BCKDK: variants seen among roughly 807,000 people sequenced by gnomAD.
BCKDK encodes the protein branched-chain alpha-ketoacid dehydrogenase kinase.
BCKDK carries 28 observed loss-of-function variants against 43.9 expected under a neutral mutation model. That is an observed-to-expected ratio of 0.64 (90% CI 0.47 to 0.87). The LOEUF is 0.87. Among genes scored for constraint, BCKDK ranks in the 40% least tolerant of loss-of-function variants. BCKDK has a pLI of 0.00. For missense variants in BCKDK, 483 were observed against 581.4 expected (o/e 0.83, Z 1.74); for synonymous variants, 257 against 234.3 (o/e 1.10, Z -0.88).
At chr16:31,115,768 A>G (rs747130951), downstream of BCKDK, 3 of 152,004 alleles carry the variant, frequency 2.0e-5, no homozygotes, top group African/African-American at 7.3e-5. Flanking sequence ...TCCTGGCCTG[A>G]AGCGATCCTC....
rs1313259296 is a variant in BCKDK at position 31,111,965 on chromosome 16, G to A, written c.1032G>A (p.Arg344=). 1.2e-6 allele frequency: 2 copies of A among 1,614,106 alleles called. No individual in the cohort carries two copies. The highest frequency in any genetic ancestry group is 1.7e-6 in the Non-Finnish European group (2 of 1,180,020). The change falls in exon 11 of 12, where the codon CGG becomes CGA. Residue 344 remains arginine (R), a synonymous_variant. Transcript: ENST00000219794. ...CTGAGGCCAGCACACAGGACCCCCG[G>A]ATCAGCCCCCTCTTTGGCCATCTGG... is the stretch of plus-strand genomic sequence containing the variant. ...TTAEASTQDP[R]ISPLFGHLDM...
At chr16:31,114,538 A>G (rs1022774866), downstream of BCKDK, among the ~76,000 whole-genome samples, 11 of 152,026 alleles carry the variant, frequency 7.2e-5, no homozygotes, top group African/African-American at 2.7e-4. Flanking sequence ...AACCTCTGAG[A>G]GACCCATCCG....
chr16:31,108,601 C>A lies in BCKDK; in HGVS notation c.-178+122C>A, dbSNP rs1037458085. 1 of 152,404 alleles carries A rather than the reference C, an allele frequency of 6.6e-6. No homozygotes were observed. Among genetic ancestry groups the A allele is most frequent in the African/African-American group, 2.4e-5 (1 of 41,456 alleles). 9.4% of individuals were successfully genotyped at this position (152,404 alleles called of 1,614,324 possible). On this transcript the variant is annotated intron_variant, in intron 1 of 11. Coordinates refer to ENST00000219794, the MANE Select transcript of BCKDK (RefSeq NM_005881.4). This position sits in a 1 kb window ranked among gnomAD's most constrained non-coding sequence, Gnocchi z 6.2. Reference sequence around the variant, plus strand: ...TCTACCATATGGGGGGCATCCGGGCCGAACCAAGTGACCCGCGTGGGGGGT... The same window carrying A: ...TCTACCATATGGGGGGCATCCGGGCAGAACCAAGTGACCCGCGTGGGGGGT...
At position 31,110,729 on chromosome 16, in the gene BCKDK, G is replaced by A; in HGVS notation, c.684G>A (p.Lys228=). The change falls in exon 8 of 12, where the codon AAG becomes AAA. Residue 228 remains lysine (K), a synonymous_variant. Coordinates refer to ENST00000219794, the MANE Select transcript of BCKDK (RefSeq NM_005881.4). This position sits in a 1 kb window ranked among gnomAD's most constrained non-coding sequence, Gnocchi z 5.4. ...TCATCTGTACTCGTCTCTCACCAAA[G>A]AAGATTATTGAGAAGTGGGTGGACT... The part of the protein sequence containing the change: ...VGIICTRLSP[K]KIIEKWVDFA... 2 of 1,614,014 alleles carry A rather than the reference G, an allele frequency of 1.2e-6. No individual in the cohort carries two copies. Among genetic ancestry groups the A allele is most frequent in the Non-Finnish European group, 1.7e-6 (2 of 1,180,022 alleles).
At position 31,109,387 on chromosome 16, in the gene BCKDK, A is replaced by C; in HGVS notation, c.164A>C (p.Asn55Thr). 1 of 1,607,750 alleles carries C rather than the reference A, an allele frequency of 6.2e-7. No homozygotes were observed. Among genetic ancestry groups the C allele is most frequent in the Non-Finnish European group, 8.5e-7 (1 of 1,176,016 alleles). Residue 55 changes from asparagine (N) to threonine (T), a missense_variant, in exon 2 of 12, where the codon AAC becomes ACC. By Grantham distance (65) the Asn-to-Thr change is moderately conservative (BLOSUM62 0). Coordinates refer to ENST00000219794, the MANE Select transcript of BCKDK (RefSeq NM_005881.4). This position sits in a 1 kb window ranked among gnomAD's most constrained non-coding sequence, Gnocchi z 5.3. ...ERSKTVTSFY[N>T]QSAIDAAAEK... ...TCCAAGACCGTCACCTCCTTTTACA[A>C]CCAGTCGGCCATCGACGCGGCAGCG...
chr16:31,112,222 G>T lies in BCKDK; in HGVS notation c.1196G>T (p.Arg399Leu). 1 of 1,611,690 alleles carries T rather than the reference G, an allele frequency of 6.2e-7. No homozygotes were observed. The change falls in exon 12 of 12, where the codon CGG (arginine) becomes CTG (leucine). Residue 399 changes from arginine (R) to leucine (L), a missense_variant. Arg to Leu is a moderately radical substitution (Grantham distance 102). Coordinates refer to ENST00000219794, the MANE Select transcript of BCKDK (RefSeq NM_005881.4). This position sits in a 1 kb window ranked among gnomAD's most constrained non-coding sequence, Gnocchi z 5.0. ...GGCATTGGCACGGACGTCTACCTGC[G>T]GCTCCGCCACATCGATGGCCGGGAG... is the stretch of plus-strand genomic sequence containing the variant. ...LQGIGTDVYL[R>L]LRHIDGREES...
chr16:31,111,388 A>G lies in BCKDK; in HGVS notation c.934A>G (p.Arg312Gly). The change falls in exon 10 of 12, where the codon AGG (arginine) becomes GGG (glycine). Residue 312 changes from arginine to glycine, a missense_variant and splice_region_variant. Transcript: ENST00000219794. ...CAACAATGATGTCGATCTGATCATC[A>G]GGTTTGCCCTGAGTGGGAGTTGAGC... ...IANNDVDLII[R>G]ISDRGGGIAH... 6 of 1,614,080 alleles carry G rather than the reference A, an allele frequency of 3.7e-6. No individual in the cohort carries two copies. Among genetic ancestry groups the G allele is most frequent in the Non-Finnish European group, 4.2e-6 (5 of 1,179,954 alleles).
downstream of BCKDK, among the ~76,000 whole-genome samples, chr16:31,117,053 C>T (rs1349411188): frequency 6.6e-6 from 1 of 150,918 alleles, no homozygotes; most frequent in Non-Finnish European, 1.5e-5. Context: ...CACATCTTGG[C>T]TTCCGCAGGT....
At position 31,110,737 on chromosome 16, in the gene BCKDK, T is replaced by C. The variant is rs200689545; in HGVS notation, c.692T>C (p.Ile231Thr). 5.1e-5 allele frequency: 83 copies of C among 1,613,974 alleles called. No individual in the cohort carries two copies. The highest frequency in any genetic ancestry group is 5.7e-5 in the Non-Finnish European group (67 of 1,180,010). The change falls in exon 8 of 12, where the codon ATT (isoleucine) becomes ACT (threonine). Residue 231 changes from isoleucine to threonine, a missense_variant. Ile to Thr is a moderately conservative substitution (Grantham distance 89). Transcript: ENST00000219794. This position sits in a 1 kb window ranked among gnomAD's most constrained non-coding sequence, Gnocchi z 5.4. ...ACTCGTCTCTCACCAAAGAAGATTA[T>C]TGAGAAGTGGGTGGACTTTGCCAGG... ...ICTRLSPKKI[I>T]EKWVDFARRL...
In BCKDK at chr16:31,112,017, CCCAT is replaced by C; in HGVS notation, c.1085_1088del (p.Pro362ArgfsTer141). 6.2e-7 allele frequency: 1 copy of C among 1,614,066 alleles called. No homozygotes were observed. The highest frequency in any genetic ancestry group is 8.5e-7 in the Non-Finnish European group (1 of 1,180,002). ...CATGCATAGTGGCGCCCAGTCAGGA[CCCAT>C]GCACGGGTGAGACCCTGCCAGGCCA... is the stretch of plus-strand genomic sequence containing the variant. On this transcript the variant is annotated frameshift_variant, in exon 11 of 12. Transcript: ENST00000219794. LOFTEE classifies it high-confidence loss of function. This position sits in a 1 kb window ranked among gnomAD's most constrained non-coding sequence, Gnocchi z 5.0.
rs1333019594 is a variant in BCKDK, at chr16:31,112,105, C to T, written c.1095-16C>T. The T allele has an allele frequency of 6.2e-7, 1 of 1,607,034 alleles. No individual in the cohort carries two copies. Among genetic ancestry groups the T allele is most frequent in the Non-Finnish European group, 8.5e-7 (1 of 1,175,586 alleles). ...GCCTCTGAAGCCTCCTGTCCTGTCCCCCTGCCCACCCCCAGCTTTGGCTTC... is the reference window on the plus strand; with the variant it reads ...GCCTCTGAAGCCTCCTGTCCTGTCCTCCTGCCCACCCCCAGCTTTGGCTTC... On this transcript the variant is annotated splice_polypyrimidine_tract_variant and intron_variant, in intron 11 of 11. Transcript: ENST00000219794. The surrounding 1 kb of genome is among the most constrained non-coding windows in gnomAD (Gnocchi z 5.0).
downstream of BCKDK, among the ~76,000 whole-genome samples, chr16:31,114,285 G>GCCC (rs1479272914): frequency 2.4e-5 from 2 of 84,138 alleles, no homozygotes; most frequent in African/African-American, 4.3e-5. Flanking sequence ...TGCAACCTCC[G>GCCC]CCCCACCCCC....
downstream of BCKDK, among the ~76,000 whole-genome samples, chr16:31,116,221 A>T (rs998772248): frequency 3.6e-5 from 5 of 139,224 alleles, no homozygotes; most frequent in African/African-American, 1.1e-4. Context: ...CGGCCTTTTT[A>T]TTTTTTTTGA....
downstream of BCKDK, chr16:31,117,439 T>G (rs1250551715): frequency 5.2e-6 from 2 of 388,276 alleles, no homozygotes; most frequent in Non-Finnish European, 4.5e-6. Context: ...ATGAGGTAAG[T>G]CTGTCTCCTC....
In BCKDK at chr16:31,109,780, C is replaced by T. The variant is rs148112682; in HGVS notation, c.372C>T (p.His124=). ...FIIGCNPTIL[H]VHELYIRAFQ... is the part of the protein sequence containing the mutation. ...TTGGCTGCAACCCCACCATACTGCA[C>T]GTGGTAAGGTAGAGAGGACCTTAGG... Residue 124 remains histidine, a synonymous_variant, in exon 4 of 12, where the codon CAC becomes CAT. Transcript: ENST00000219794. This position sits in a 1 kb window ranked among gnomAD's most constrained non-coding sequence, Gnocchi z 5.3. 6.3e-5 allele frequency: 102 copies of T among 1,613,496 alleles called. No homozygotes were observed. The highest frequency in any genetic ancestry group is 8.6e-5 in the Non-Finnish European group (102 of 1,179,834).
In BCKDK at chr16:31,109,810, C is replaced by T. The variant is rs368623088; in HGVS notation, c.375+27C>T. On this transcript the variant is annotated intron_variant, in intron 4 of 11. Transcript: ENST00000219794. This position sits in a 1 kb window ranked among gnomAD's most constrained non-coding sequence, Gnocchi z 5.3. The stretch of plus-strand genomic sequence containing the variant: ...TAAGGTAGAGAGGACCTTAGGTCAG[C>T]GGGCCACCCTGCCCCGGGGGCAAGT... 27 of 1,606,004 alleles carry T rather than the reference C, an allele frequency of 1.7e-5. No individual in the cohort carries two copies. Among genetic ancestry groups the T allele is most frequent in the Non-Finnish European group, 2.0e-5 (24 of 1,173,354 alleles).
downstream of BCKDK, among the ~76,000 whole-genome samples, chr16:31,116,960 C>T (rs2057450640): frequency 6.8e-6 from 1 of 147,332 alleles, no homozygotes; most frequent in South Asian, 2.1e-4. Context: ...ATTAGGCCAG[C>T]GCGAGTGTGC....
chr16:31,117,451 C>G, downstream of BCKDK: 2 of 394,398 alleles, frequency 5.1e-6, no homozygotes, highest in Non-Finnish European at 9.0e-6. Flanking sequence ...TGTCTCCTCT[C>G]CTCACCCATA....
Position 31,111,313 on chromosome 16 carries a change from A to G in BCKDK, c.859A>G (p.Ser287Gly). ...CCCTCTGCATAGAGCCACAATGGAG[A>G]GTCACCTAGACACTCCCTACAATGT... is the stretch of plus-strand genomic sequence containing the variant. ...LKNAMRATME[S>G]HLDTPYNVPD... The change falls in exon 10 of 12, where the codon AGT becomes GGT. Residue 287 changes from serine to glycine, a missense_variant. Coordinates refer to ENST00000219794, the MANE Select transcript of BCKDK (RefSeq NM_005881.4). 1.2e-6 allele frequency: 2 copies of G among 1,614,054 alleles called. No individual in the cohort carries two copies. Among genetic ancestry groups the G allele is most frequent in the Non-Finnish European group, 1.7e-6 (2 of 1,179,956 alleles).
Sources: gnomAD v4.1 joint callset for allele counts (sites outside exome capture counted in the v4.1 genomes callset) on GRCh38, gnomAD v4.1.1 for gene constraint, Gnocchi (gnomAD v3.1) non-coding constraint, MANE v1.5 for transcripts, NCBI Gene and HGNC (gene_info 2026-07-23, HGNC 2026-07-21) for gene names.